The following TTC6 variants were observed in gnomAD, a reference collection of about 807,000 sequenced individuals.
The protein encoded by TTC6 is tetratricopeptide repeat domain 6.
Under a neutral mutation model 210.4 loss-of-function variants are expected in TTC6, and 172 were observed. That is an observed-to-expected ratio of 0.82 (90% CI 0.72 to 0.93). The LOEUF (loss-of-function observed/expected upper bound fraction) is 0.93, where lower values mean the gene tolerates loss of function less well. TTC6 is among the 40% of genes least tolerant of loss of function. TTC6 has a pLI of 0.00. For missense variants in TTC6, 2,414 were observed against 2,318.1 expected, an observed-to-expected ratio of 1.04 and a Z score of -0.85; for synonymous variants, 804 against 819.6, an observed-to-expected ratio of 0.98 and a Z score of 0.32.
At chr14:37,796,536 A>G (rs2096093069) in intron 19 of TTC6, among the ~76,000 whole-genome samples, 166 bp downstream of exon 21, 1 of 152,088 alleles carries the variant, frequency 6.6e-6, no homozygotes, top group Admixed American at 6.6e-5. Flanking sequence ...GATTCATAGC[A>G]GTGAATTTTG....
chr14:37,823,282 A>T, intron 26 of TTC6, among the ~76,000 whole-genome samples: 1 of 152,132 alleles, frequency 6.6e-6, no homozygotes, highest in East Asian at 1.9e-4. Flanking sequence ...TTTATAGGAG[A>T]TCTGATGTAA....
chr14:37,615,654 C>G (rs1046942460), intron 2 of TTC6, among the ~76,000 whole-genome samples: 1 of 151,986 alleles, frequency 6.6e-6, no homozygotes, highest in African/African-American at 2.4e-5. Flanking sequence ...TAATCTCTAG[C>G]ATATTTTCCT....
chr14:37,767,737 C>G (rs1229780594), intron 14 of TTC6, among the ~76,000 whole-genome samples: 1 of 151,528 alleles, frequency 6.6e-6, no homozygotes, highest in Non-Finnish European at 1.5e-5. Context: ...AAATTTTCTC[C>G]CATTTTGTAG....
chr14:37,826,387 T>G, intron 28 of TTC6, 40 bp downstream of exon 30: 2 of 1,506,620 alleles, frequency 1.3e-6, no homozygotes, highest in Non-Finnish European at 8.9e-7. Context: ...TAGCATAAAT[T>G]AACACTGTCA....
At chr14:37,641,441 C>T (rs1200314184) in intron 1 of TTC6, among the ~76,000 whole-genome samples, 2 of 152,186 alleles carry the variant, frequency 1.3e-5, no homozygotes, top group Non-Finnish European at 2.9e-5. Context: ...CAAATGAAAA[C>T]AGTCTAACAG....
intron 17 of TTC6, among the ~76,000 whole-genome samples, chr14:37,793,782 A>T (rs1461341951): frequency 6.6e-6 from 1 of 152,206 alleles, no homozygotes; most frequent in African/African-American, 2.4e-5. Flanking sequence ...TGCAGTAATG[A>T]TTGAATAATT....
intron 1 of TTC6, among the ~76,000 whole-genome samples, chr14:37,637,000 T>C (rs2095682101): frequency 6.6e-6 from 1 of 152,142 alleles, no homozygotes; most frequent in South Asian, 2.1e-4. Context: ...GCCACACAGA[T>C]ATGCCCAATT....
intron 1 of TTC6, among the ~76,000 whole-genome samples, chr14:37,663,606 T>C (rs2095741879): frequency 6.6e-6 from 1 of 152,192 alleles, no homozygotes; most frequent in African/African-American, 2.4e-5. Context: ...TTATTAGTTA[T>C]GCCAGTTACA....
downstream of TTC6, chr14:37,842,608 A>T (rs904701414): frequency 1.4e-4 from 23 of 170,062 alleles, no homozygotes; most frequent in African/African-American, 5.2e-4. Flanking sequence ...TTTTGAAATA[A>T]TACTATACAT....
chr14:37,604,910 T>C (rs976006129), intron 1 of TTC6, among the ~76,000 whole-genome samples: 1 of 152,232 alleles, frequency 6.6e-6, no homozygotes. Flanking sequence ...GATGTCATTA[T>C]ATCAAGGAAG....
chr14:37,696,987 G>A (rs1028070040), intron 4 of TTC6, among the ~76,000 whole-genome samples, 152 bp downstream of exon 6: 2 of 151,998 alleles, frequency 1.3e-5, no homozygotes, highest in African/African-American at 2.4e-5. Context: ...AAAGTTGGTG[G>A]CAGATTTTAC....
intron 1 of TTC6, among the ~76,000 whole-genome samples, chr14:37,624,631 C>CT (rs963934550): frequency 1.9e-4 from 28 of 148,612 alleles, no homozygotes; most frequent in Non-Finnish European, 2.2e-4. Context: ...CTTGTGTATT[C>CT]TTTTTTTTTT....
chr14:37,794,130 A>G lies in TTC6; in HGVS notation c.3709-1140A>G, dbSNP rs144863345. Among the ~76,000 whole-genome samples, 34 of 152,312 alleles carry G rather than the reference A, an allele frequency of 2.2e-4. 1 individual carries two copies. Among genetic ancestry groups the G allele is most frequent in the African/African-American group, 7.7e-4 (32 of 41,588 alleles). On this transcript the variant is annotated intron_variant, in intron 17 of 30. Transcript: ENST00000553443. ...TCTTAAGTCAGGATTTCCTCAATGC[A>G]TAGACATGTATGGTTGGTAGAACAG...
At chr14:37,734,731 A>G (rs1252022890) in intron 7 of TTC6, among the ~76,000 whole-genome samples, 1 of 152,130 alleles carries the variant, frequency 6.6e-6, no homozygotes, top group Non-Finnish European at 1.5e-5. Flanking sequence ...TGCATATCAT[A>G]TAAGTAACAC....
chr14:37,632,783 G>C (rs1486203907), intron 1 of TTC6, among the ~76,000 whole-genome samples: 1 of 152,204 alleles, frequency 6.6e-6, no homozygotes, highest in Non-Finnish European at 1.5e-5. Context: ...GCCATGAGTG[G>C]GGCTCCTGCC....
At chr14:37,669,611 C>G (rs1483866403) in intron 1 of TTC6, among the ~76,000 whole-genome samples, 2 of 152,150 alleles carry the variant, frequency 1.3e-5, no homozygotes, top group African/African-American at 4.8e-5. Flanking sequence ...ATATGTTCAT[C>G]TAGGCTGTGA....
chr14:37,634,023 C>T (rs1020167124), intron 1 of TTC6, among the ~76,000 whole-genome samples: 2 of 152,160 alleles, frequency 1.3e-5, no homozygotes, highest in African/African-American at 2.4e-5. Context: ...AATATCCAGA[C>T]TCTCATAATA....
rs1413277360 is a variant in TTC6 at position 37,622,857 on chromosome 14, C to G, written c.793C>G (p.Gln265Glu). The G allele has an allele frequency of 2.0e-6, 3 of 1,534,388 alleles. No individual in the cohort carries two copies. In the African/African-American group the frequency reaches 4.1e-5, roughly 21 times the overall value. The change falls in exon 1 of 31, where the codon CAG becomes GAG. Residue 265 changes from glutamine (Q) to glutamate (E), a missense_variant. Physicochemically the swap from Gln to Glu is conservative, Grantham distance 29. Coordinates refer to ENST00000553443, the Ensembl canonical transcript of TTC6. Reference sequence around the variant, plus strand: ...CAGCGACGCGCGGGAGGCCGCCTGGCAGGCGCTGCTGCCCTCCCGCGTGAT... The same window carrying G: ...CAGCGACGCGCGGGAGGCCGCCTGGGAGGCGCTGCTGCCCTCCCGCGTGAT...
intron 1 of TTC6, among the ~76,000 whole-genome samples, chr14:37,597,927 A>G (rs748171673): frequency 2.0e-5 from 3 of 152,108 alleles, no homozygotes; most frequent in Admixed American, 1.3e-4. Context: ...ATTGCAAGAT[A>G]CCTAACAAAT....
Sources: allele counts gnomAD v4.1 joint callset (sites outside exome capture counted in the v4.1 genomes callset), GRCh38; gene constraint gnomAD v4.1.1; transcripts MANE v1.5; gene names NCBI Gene and HGNC (gene_info 2026-07-23, HGNC 2026-07-21).